ZCCHC7: variants seen among roughly 807,000 people sequenced by gnomAD.
The protein encoded by ZCCHC7 is zinc finger CCHC domain-containing protein 7.
Under a neutral mutation model 52.0 loss-of-function variants are expected in ZCCHC7, and 35 were observed. That is an observed-to-expected ratio of 0.67 (90% CI 0.51 to 0.89). The LOEUF is 0.89. Among genes scored for constraint, ZCCHC7 ranks in the 40% least tolerant of loss-of-function variants. The pLI, the probability that ZCCHC7 is intolerant of heterozygous loss-of-function variation, is 0.00. For synonymous variants in ZCCHC7, 217 were observed against 221.5 expected, an observed-to-expected ratio of 0.98 and a Z score of 0.18; for missense variants, 574 against 649.1, an observed-to-expected ratio of 0.88 and a Z score of 1.26.
rs541818371 is a variant in ZCCHC7, at chr9:37,121,646, G to A, written c.-22+1023G>A. On this transcript the variant is annotated intron_variant, in intron 1 of 8. Coordinates refer to ENST00000336755, the MANE Select transcript of ZCCHC7 (RefSeq NM_032226.3). ...AAAGTCAGGAAGGATCGCAAGTGAG[G>A]ATTATATTAATATGATAATTAGCAC... 71 of 152,304 alleles carry A rather than the reference G, an allele frequency of 4.7e-4. 1 individual carries two copies. The highest frequency in any genetic ancestry group is 2.1e-3 in the Admixed American group (32 of 15,288). The allele number at this position is 152,304 out of a possible 1,614,324, so 9.4% of individuals were successfully genotyped here.
chr9:37,180,002 G>T (rs1822260592), intron 2 of ZCCHC7, among the ~76,000 whole-genome samples: 1 of 152,138 alleles, frequency 6.6e-6, no homozygotes, highest in African/African-American at 2.4e-5. Context: ...GTGATTGTAT[G>T]TATAGGCCAT....
At chr9:37,195,761 C>T (rs1412817700) in intron 2 of ZCCHC7, among the ~76,000 whole-genome samples, 1 of 152,070 alleles carries the variant, frequency 6.6e-6, no homozygotes, top group Non-Finnish European at 1.5e-5. Context: ...GAGACACTAC[C>T]TACAAAGCTC....
chr9:37,208,838 A>C (rs900609799), intron 2 of ZCCHC7, among the ~76,000 whole-genome samples: 10 of 152,114 alleles, frequency 6.6e-5, no homozygotes, highest in African/African-American at 2.4e-4. Flanking sequence ...AGACAATGTC[A>C]TTTCTTTGCA....
At chr9:37,133,324 A>C (rs575986536) in intron 2 of ZCCHC7, among the ~76,000 whole-genome samples, 128 of 152,152 alleles carry the variant, frequency 8.4e-4, no homozygotes, top group African/African-American at 3.0e-3. Context: ...TAATGAGAAG[A>C]AAAATATACA....
At chr9:37,208,545 A>G (rs983362654) in intron 2 of ZCCHC7, among the ~76,000 whole-genome samples, 1 of 152,236 alleles carries the variant, frequency 6.6e-6, no homozygotes, top group African/African-American at 2.4e-5. Flanking sequence ...GGTAATGTGT[A>G]ACAGATCATA....
intron 2 of ZCCHC7, among the ~76,000 whole-genome samples, chr9:37,205,858 A>G (rs1588478455): frequency 1.3e-5 from 2 of 149,324 alleles, no homozygotes; most frequent in Admixed American, 1.3e-4. Flanking sequence ...GAAATCATGC[A>G]TTTGTACAAT....
intron 2 of ZCCHC7, among the ~76,000 whole-genome samples, chr9:37,229,035 C>T (rs1294393636): frequency 2.0e-5 from 3 of 151,888 alleles, no homozygotes; most frequent in African/African-American, 4.8e-5. Flanking sequence ...AGGGTTTCAC[C>T]GTGTTGCCAG....
At chr9:37,186,100 G>A (rs1346270610) in intron 2 of ZCCHC7, among the ~76,000 whole-genome samples, 3 of 151,904 alleles carry the variant, frequency 2.0e-5, no homozygotes, top group Admixed American at 6.6e-5. Flanking sequence ...TGTGGGGTTG[G>A]GGGTGTGTGG....
At chr9:37,296,797 C>T (rs780602425) in intron 2 of ZCCHC7, among the ~76,000 whole-genome samples, 1 of 152,140 alleles carries the variant, frequency 6.6e-6, no homozygotes, top group African/African-American at 2.4e-5. Context: ...ACTGCAGCCT[C>T]AACCTCCAGG....
intron 2 of ZCCHC7, among the ~76,000 whole-genome samples, chr9:37,227,108 T>TA (rs1825152323): frequency 6.6e-6 from 1 of 151,090 alleles, no homozygotes. Context: ...GCACAAGCTA[T>TA]AAAAAGAAAA....
chr9:37,153,315 T>A (rs1399030340), intron 2 of ZCCHC7, among the ~76,000 whole-genome samples: 1 of 151,664 alleles, frequency 6.6e-6, no homozygotes, highest in Non-Finnish European at 1.5e-5. Flanking sequence ...GGATCATAGG[T>A]GCCCGCCACC....
At chr9:37,313,426 A>G (rs1829679762) in intron 5 of ZCCHC7, among the ~76,000 whole-genome samples, 1 of 152,228 alleles carries the variant, frequency 6.6e-6, no homozygotes, top group South Asian at 2.1e-4. Flanking sequence ...TCAGGAATTA[A>G]TAATTTATTG....
At chr9:37,254,837 C>CTTTTTTTTTTTTTTTTTTTTT (rs59489076) in intron 2 of ZCCHC7, among the ~76,000 whole-genome samples, 21 of 93,464 alleles carry the variant, frequency 2.2e-4, no homozygotes, top group Admixed American at 4.3e-4. Flanking sequence ...CAAAAAGTTT[C>CTTTTTTTTTTTTTTTTTTTTT]TTTTTTTTTT....
intron 2 of ZCCHC7, among the ~76,000 whole-genome samples, chr9:37,154,793 C>T (rs553041685): frequency 6.6e-6 from 1 of 151,878 alleles, no homozygotes; most frequent in Non-Finnish European, 1.5e-5. Context: ...TGCACCCGGT[C>T]GTTAATTAGA....
intron 2 of ZCCHC7, among the ~76,000 whole-genome samples, chr9:37,167,933 CAT>C (rs1322635061): frequency 3.3e-5 from 5 of 152,308 alleles, no homozygotes; most frequent in East Asian, 1.9e-4. Context: ...CCCAGCCTCA[CAT>C]GTTTTCTTTA....
rs1380222034 is a variant in ZCCHC7, at chr9:37,354,973, A to G, written c.1198+149A>G. 1.8e-6 allele frequency: 1 copy of G among 548,900 alleles called. No homozygotes were observed. Among genetic ancestry groups the G allele is most frequent in the African/African-American group, 1.9e-5 (1 of 52,540 alleles). The allele number at this position is 548,900 out of a possible 1,614,324, so 34.0% of individuals were successfully genotyped here. On this transcript the variant is annotated intron_variant, in intron 8 of 8. Coordinates refer to ENST00000336755, the MANE Select transcript of ZCCHC7 (RefSeq NM_032226.3). The surrounding 1 kb of genome is among the most constrained non-coding windows in gnomAD (Gnocchi z 4.0). ...AGAGACTGGAACTTTCTTGATCTCC[A>G]GAAACCAAGCACCCACTTCAGAAAT... is the stretch of plus-strand genomic sequence containing the variant.
intron 2 of ZCCHC7, among the ~76,000 whole-genome samples, chr9:37,226,627 T>C (rs558161276): frequency 2.6e-5 from 4 of 152,196 alleles, no homozygotes; most frequent in Non-Finnish European, 5.9e-5. Context: ...GACCAGTCTA[T>C]AGCCATATGC....
At chr9:37,332,294 A>G (rs951680072) in intron 6 of ZCCHC7, among the ~76,000 whole-genome samples, 12 of 151,578 alleles carry the variant, frequency 7.9e-5, no homozygotes, top group African/African-American at 2.9e-4. Flanking sequence ...TCTTTCCATT[A>G]TAGTACTATA....
At chr9:37,139,896 A>G (rs536057174) in intron 2 of ZCCHC7, among the ~76,000 whole-genome samples, 1 of 152,014 alleles carries the variant, frequency 6.6e-6, no homozygotes, top group South Asian at 2.1e-4. Flanking sequence ...GAAAGCTCCA[A>G]CTCTTGAAAA....
Sources: gnomAD v4.1 joint callset for allele counts (sites outside exome capture counted in the v4.1 genomes callset) on GRCh38, gnomAD v4.1.1 for gene constraint, Gnocchi (gnomAD v3.1) non-coding constraint, MANE v1.5 for transcripts, NCBI Gene and HGNC (gene_info 2026-07-23, HGNC 2026-07-21) for gene names.